The following GRB10 variants were observed in gnomAD, a reference collection of about 807,000 sequenced individuals.
GRB10 encodes growth factor receptor bound protein 10.
Under a neutral mutation model 80.9 loss-of-function variants are expected in GRB10, and 20 were observed. That is an observed-to-expected ratio of 0.25 (90% CI 0.17 to 0.36). GRB10 has a LOEUF of 0.36. Ranked by LOEUF, GRB10 falls within the 10% of genes least tolerant of loss-of-function variation. The probability of loss-of-function intolerance (pLI) is 1.00; values close to 1 mark genes in which losing one functional copy is unlikely to be tolerated. For missense variants in GRB10, 548 were observed against 747.7 expected (o/e 0.73, Z 3.12); for synonymous variants, 291 against 291.5 (o/e 1.00, Z 0.02).
At chr7:50,687,196 C>T (rs1026018769) in intron 5 of GRB10, among the ~76,000 whole-genome samples, 6 of 152,196 alleles carry the variant, frequency 3.9e-5, no homozygotes, top group African/African-American at 1.4e-4. Flanking sequence ...AGAGGGTAAC[C>T]CACCAGGTAC....
At chr7:50,740,271 T>C (rs1365970767) in intron 3 of GRB10, among the ~76,000 whole-genome samples, 2 of 152,176 alleles carry the variant, frequency 1.3e-5, no homozygotes, top group Non-Finnish European at 2.9e-5. Flanking sequence ...CGCCCTGGTG[T>C]ATCTTCTCCA....
intron 17 of GRB10, 71 bp from the exon 18 acceptor site, chr7:50,595,601 T>TAACACACACACACACA: frequency 1.1e-5 from 6 of 556,350 alleles, no homozygotes; most frequent in Non-Finnish European, 1.6e-5. Flanking sequence ...ACACACTCTC[T>TAACACACACACACACA]TACACACACA....
intron 18 of GRB10, among the ~76,000 whole-genome samples, chr7:50,595,190 G>A (rs1462302109): frequency 6.6e-6 from 1 of 152,100 alleles, no homozygotes; most frequent in Non-Finnish European, 1.5e-5. Flanking sequence ...CCTTTCTGCT[G>A]CAACCAAGAG....
At chr7:50,609,802 TAACA>T (rs138659337) in intron 13 of GRB10, among the ~76,000 whole-genome samples, 2,653 of 152,322 alleles carry the variant, frequency 0.017, 65 homozygotes, top group African/African-American at 0.061. Context: ...AGAAATTACC[TAACA>T]AACAATGTAA....
chr7:50,669,980 G>A, intron 6 of GRB10, 117 bp from the exon 7 acceptor site: 1 of 1,280,004 alleles, frequency 7.8e-7, no homozygotes, highest in East Asian at 2.5e-5. Flanking sequence ...TCACTGGCAT[G>A]CCCACGTTCA....
At chr7:50,642,396 C>T (rs771941153) in intron 7 of GRB10, among the ~76,000 whole-genome samples, 40 of 152,112 alleles carry the variant, frequency 2.6e-4, no homozygotes, top group Admixed American at 5.9e-4. Flanking sequence ...TATGTAAACA[C>T]GTACACATAT....
At chr7:50,648,277 C>T (rs192706067) in intron 7 of GRB10, among the ~76,000 whole-genome samples, 1 of 152,218 alleles carries the variant, frequency 6.6e-6, no homozygotes, top group African/African-American at 2.4e-5. Flanking sequence ...CAGGAGCCCT[C>T]ATGCTGCTGC....
intron 13 of GRB10, 59 bp downstream of exon 13, chr7:50,612,682 A>G (rs2049786108): frequency 8.8e-7 from 1 of 1,137,190 alleles, no homozygotes; most frequent in African/African-American, 1.5e-5. Flanking sequence ...CATCAAGTCC[A>G]GAGGCCAATT....
chr7:50,602,255 A>G (rs1211021993), intron 17 of GRB10, among the ~76,000 whole-genome samples: 1 of 152,218 alleles, frequency 6.6e-6, no homozygotes, highest in Non-Finnish European at 1.5e-5. Context: ...CTAATGAAAT[A>G]CTGAACCTGG....
intron 5 of GRB10, among the ~76,000 whole-genome samples, chr7:50,700,551 T>TC (rs2064040841): frequency 6.6e-6 from 1 of 152,212 alleles, no homozygotes. Flanking sequence ...CCTTCTACAT[T>TC]CCTTATTCTA....
intron 18 of GRB10, 49 bp from the exon 19 acceptor site, chr7:50,593,147 G>A: frequency 1.2e-6 from 2 of 1,609,274 alleles, no homozygotes; most frequent in East Asian, 2.2e-5. Context: ...CCACCTCAGG[G>A]AACAGAACGG....
intron 7 of GRB10, among the ~76,000 whole-genome samples, chr7:50,665,377 G>C (rs2059692946): frequency 6.6e-6 from 1 of 152,206 alleles, no homozygotes; most frequent in Non-Finnish European, 1.5e-5. Flanking sequence ...AAATAAAACA[G>C]AAAGCCCAAG....
intron 17 of GRB10, among the ~76,000 whole-genome samples, chr7:50,599,404 C>G (rs76464421): frequency 6.6e-6 from 1 of 152,176 alleles, no homozygotes; most frequent in East Asian, 1.9e-4. Flanking sequence ...ATCATCTCTG[C>G]AGGGATCAGT....
At chr7:50,673,623 G>A (rs1471107546) in intron 6 of GRB10, among the ~76,000 whole-genome samples, 1 of 151,964 alleles carries the variant, frequency 6.6e-6, no homozygotes, top group Non-Finnish European at 1.5e-5. Flanking sequence ...CCCATCCGGG[G>A]GCTCCTGAGA....
chr7:50,599,298 A>C (rs1404798845), intron 17 of GRB10, among the ~76,000 whole-genome samples: 1 of 152,088 alleles, frequency 6.6e-6, no homozygotes, highest in African/African-American at 2.4e-5. Flanking sequence ...AGCTATGGAA[A>C]ATGCTGTTGT....
chr7:50,778,251 T>C (rs538838752), intron 2 of GRB10, among the ~76,000 whole-genome samples: 2 of 152,324 alleles, frequency 1.3e-5, no homozygotes, highest in South Asian at 2.1e-4. Flanking sequence ...ACCAACTTTA[T>C]CTAATCCAAA....
At chr7:50,602,534 C>T (rs1209482641) in intron 17 of GRB10, among the ~76,000 whole-genome samples, 2 of 152,126 alleles carry the variant, frequency 1.3e-5, no homozygotes, top group African/African-American at 4.8e-5. Context: ...CACAAACATG[C>T]TATTAGCAAA....
intron 3 of GRB10, among the ~76,000 whole-genome samples, chr7:50,738,614 C>T (rs2071209000): frequency 6.6e-6 from 1 of 152,164 alleles, no homozygotes; most frequent in Admixed American, 6.5e-5. Flanking sequence ...ATAAAAAGCT[C>T]ACTTCTGAAC....
chr7:50,759,091 G>T (rs1045086605), intron 2 of GRB10, among the ~76,000 whole-genome samples: 1 of 151,582 alleles, frequency 6.6e-6, no homozygotes, highest in Non-Finnish European at 1.5e-5. Flanking sequence ...TACTTAGGAG[G>T]CTTAGGTGGG....
Sources: allele counts gnomAD v4.1 joint callset (sites outside exome capture counted in the v4.1 genomes callset), GRCh38; gene constraint gnomAD v4.1.1; transcripts MANE v1.5; gene names NCBI Gene and HGNC (gene_info 2026-07-23, HGNC 2026-07-21).